Variants in HMGCLL1 observed in about 807,000 individuals in gnomAD.
HMGCLL1 encodes 3-hydroxymethyl-3-methylglutaryl-CoA lyase, cytoplasmic.
A neutral mutation model predicts 39.1 loss-of-function variants in HMGCLL1; 36 were observed. The ratio of observed to expected loss-of-function variants is 0.92; its 90% CI spans 0.71 to 1.22. HMGCLL1 has a LOEUF of 1.22. Ranked by LOEUF, HMGCLL1 falls within the 50% of genes most tolerant of loss-of-function variation. The probability of loss-of-function intolerance (pLI) is 0.00; values close to 1 mark genes in which losing one functional copy is unlikely to be tolerated. For synonymous variants in HMGCLL1, 149 were observed against 144.0 expected, an observed-to-expected ratio of 1.03 and a Z score of -0.25; for missense variants, 451 against 416.5, an observed-to-expected ratio of 1.08 and a Z score of -0.72.
the HMGCLL1 span, among the ~76,000 whole-genome samples, chr6:55,650,094 T>TATATATATATATATACACACATATAC: frequency 7.0e-5 from 1 of 14,252 alleles, no homozygotes; most frequent in African/African-American, 3.4e-4. Context: ...CATATACATA[T>TATATATATATATATACACACATATAC]ATATATATAT....
chr6:55,626,294 C>T, the HMGCLL1 span, among the ~76,000 whole-genome samples: 1 of 152,108 alleles, frequency 6.6e-6, no homozygotes, highest in African/African-American at 2.4e-5. Flanking sequence ...AATGCCTTAT[C>T]CGCTGTCATG....
At chr6:55,509,367 A>G (rs930280348) in intron 5 of HMGCLL1, among the ~76,000 whole-genome samples, 1 of 151,870 alleles carries the variant, frequency 6.6e-6, no homozygotes, top group Non-Finnish European at 1.5e-5. Context: ...TACTAGTCAC[A>G]GTGTACTTAA....
At chr6:55,662,106 C>G in the HMGCLL1 span, among the ~76,000 whole-genome samples, 1 of 151,806 alleles carries the variant, frequency 6.6e-6, no homozygotes, top group Non-Finnish European at 1.5e-5. Flanking sequence ...ACGAAGTTTT[C>G]CAGATATAGA....
At chr6:55,609,008 G>A in the HMGCLL1 span, among the ~76,000 whole-genome samples, 1 of 152,228 alleles carries the variant, frequency 6.6e-6, no homozygotes. Context: ...GTGAGTGAGA[G>A]TGGTACCCAG....
chr6:55,576,935 T>C (rs1460517922), intron 1 of HMGCLL1: 2 of 1,127,670 alleles, frequency 1.8e-6, no homozygotes, highest in Non-Finnish European at 2.5e-6. Flanking sequence ...GCTGAACATC[T>C]GGACTGGAAT....
At chr6:55,618,895 G>A in the HMGCLL1 span, among the ~76,000 whole-genome samples, 1 of 152,122 alleles carries the variant, frequency 6.6e-6, no homozygotes, top group African/African-American at 2.4e-5. Context: ...TAGTTATCAA[G>A]TGTGAGAGGA....
At chr6:55,516,747 A>C in intron 3 of HMGCLL1, 144 bp from the exon 4 acceptor site, 1 of 491,772 alleles carries the variant, frequency 2.0e-6, no homozygotes, top group Admixed American at 3.1e-5. Context: ...CAGTGAATGT[A>C]AAGGAAAGTA....
At chr6:55,444,013 G>A (rs981786588) in intron 7 of HMGCLL1, among the ~76,000 whole-genome samples, 3 of 152,096 alleles carry the variant, frequency 2.0e-5, no homozygotes, top group Admixed American at 1.3e-4. Context: ...AGCTTCGAGG[G>A]TGCTGGTAAT....
intron 1 of HMGCLL1, among the ~76,000 whole-genome samples, chr6:55,555,731 T>A (rs1333223622): frequency 6.6e-6 from 1 of 152,224 alleles, no homozygotes; most frequent in Non-Finnish European, 1.5e-5. Flanking sequence ...GTCTTGACAC[T>A]CTGGGGAAGA....
intron 7 of HMGCLL1, among the ~76,000 whole-genome samples, chr6:55,467,281 TC>T (rs77510987): frequency 0.21 from 31,223 of 152,016 alleles, 4,057 homozygotes; most frequent in African/African-American, 0.38. Flanking sequence ...CTATATTGCC[TC>T]CATGTAATAC....
chr6:55,440,897 A>G (rs1211431365), intron 7 of HMGCLL1, among the ~76,000 whole-genome samples: 1 of 152,138 alleles, frequency 6.6e-6, no homozygotes, highest in African/African-American at 2.4e-5. Context: ...TTTTAATTTT[A>G]AAATAGTTTT....
At chr6:55,487,610 T>C (rs902643150) in intron 7 of HMGCLL1, among the ~76,000 whole-genome samples, 4 of 152,118 alleles carry the variant, frequency 2.6e-5, no homozygotes, top group Non-Finnish European at 5.9e-5. Context: ...TCCATGTCCC[T>C]GCAAAGGACA....
intron 1 of HMGCLL1, among the ~76,000 whole-genome samples, chr6:55,575,690 G>A (rs1244391377): frequency 2.0e-5 from 3 of 152,120 alleles, no homozygotes; most frequent in African/African-American, 7.2e-5. Context: ...GCTCTCTGCT[G>A]TGTTGACAGC....
At position 55,442,077 on chromosome 6, in the gene HMGCLL1, A is replaced by G. The variant is rs147953774; in HGVS notation, c.796-2518T>C. 6.1e-4 allele frequency among the ~76,000 whole-genome samples: 93 copies of G among 152,256 alleles called. No individual in the cohort carries two copies. In the East Asian group the frequency reaches 0.015, roughly 25 times the overall value. ...AGAGGTAAAGTGTCATCCTGAAAGC[A>G]TTATATCAAGGATATATAATATCAA... On this transcript the variant is annotated intron_variant, in intron 7 of 8. Coordinates refer to ENST00000274901, the MANE Select transcript of HMGCLL1 (RefSeq NM_001042406.2).
chr6:55,521,441 A>G (rs1419855179), intron 3 of HMGCLL1, among the ~76,000 whole-genome samples: 2 of 152,008 alleles, frequency 1.3e-5, no homozygotes, highest in Admixed American at 6.6e-5. Context: ...GGCTTGTGGG[A>G]GCTCTGAGTT....
chr6:55,587,432 A>T, the HMGCLL1 span, among the ~76,000 whole-genome samples: 68 of 152,010 alleles, frequency 4.5e-4, 1 homozygote, highest in Admixed American at 3.9e-3. Flanking sequence ...AAACATGGAA[A>T]CGAACAACCG....
At chr6:55,513,976 C>T in intron 5 of HMGCLL1, 72 bp downstream of exon 5, 3 of 1,272,598 alleles carry the variant, frequency 2.4e-6, no homozygotes, top group Non-Finnish European at 3.3e-6. Flanking sequence ...ATATAAGAAT[C>T]TCTAGATAAT....
chr6:55,485,542 AT>A (rs1765980723), intron 7 of HMGCLL1, among the ~76,000 whole-genome samples: 1 of 152,066 alleles, frequency 6.6e-6, no homozygotes, highest in Admixed American at 6.6e-5. Context: ...CCATATATAC[AT>A]ATATATGTTA....
At chr6:55,545,272 T>C (rs1451105343) in intron 1 of HMGCLL1, among the ~76,000 whole-genome samples, 2 of 151,478 alleles carry the variant, frequency 1.3e-5, no homozygotes, top group Non-Finnish European at 2.9e-5. Flanking sequence ...GTAATAACCA[T>C]ATGCCTCCTG....
Sources: gnomAD v4.1 joint callset for allele counts (sites outside exome capture counted in the v4.1 genomes callset) on GRCh38, gnomAD v4.1.1 for gene constraint, MANE v1.5 for transcripts, NCBI Gene and HGNC (gene_info 2026-07-23, HGNC 2026-07-21) for gene names.